The following CSDE1 variants were observed in gnomAD, a reference collection of about 807,000 sequenced individuals.
CSDE1 encodes the protein cold shock domain-containing protein E1.
CSDE1 carries 17 observed loss-of-function variants against 89.3 expected under a neutral mutation model. The observed-to-expected ratio is 0.19, with a 90% CI of 0.13 to 0.29. CSDE1 has a LOEUF of 0.29. Among genes scored for constraint, CSDE1 ranks in the 10% least tolerant of loss-of-function variants. The pLI is 1.00. For synonymous variants in CSDE1, 322 were observed against 332.8 expected (o/e 0.97, Z 0.35); for missense variants, 672 against 984.2 (o/e 0.68, Z 4.24).
chr1:114,737,420 T>C (rs372331957), intron 5 of CSDE1, 51 bp downstream of exon 5: 19 of 1,362,378 alleles, frequency 1.4e-5, no homozygotes, highest in South Asian at 7.2e-5. Flanking sequence ...AGTACGCTTA[T>C]AGATCACATG....
chr1:114,717,895 C>G lies in CSDE1; in HGVS notation c.*274G>C. 1 of 421,112 alleles carries G rather than the reference C, an allele frequency of 2.4e-6. No individual in the cohort carries two copies. The highest frequency in any genetic ancestry group is 3.9e-5 in the East Asian group (1 of 25,874). 26.1% of individuals were successfully genotyped at this position (421,112 alleles called of 1,614,324 possible). On this transcript the variant is annotated 3_prime_UTR_variant, in exon 20 of 20. Coordinates refer to ENST00000358528, the MANE Select transcript of CSDE1 (RefSeq NM_001007553.3). ...AAGTGGATTCTGCAATTACCAGTTG[C>G]GTTAAATGCACCAAATAAAGCTCCT...
At chr1:114,727,265 G>GCCTA (rs2101025752) in intron 12 of CSDE1, among the ~76,000 whole-genome samples, 175 bp from the exon 13 acceptor site, 1 of 152,300 alleles carries the variant, frequency 6.6e-6, no homozygotes, top group East Asian at 1.9e-4. Context: ...CTTGCCTTAA[G>GCCTA]CCTAGCTCAG....
At chr1:114,726,833 C>T in intron 13 of CSDE1, 150 bp downstream of exon 13, 2 of 567,706 alleles carry the variant, frequency 3.5e-6, no homozygotes, top group Non-Finnish European at 6.2e-6. Context: ...TTTTAATAAG[C>T]TGCTTTCAAA....
chr1:114,736,915 G>GAAT, intron 5 of CSDE1, 60 bp from the exon 6 acceptor site: 1 of 1,290,094 alleles, frequency 7.8e-7, no homozygotes, highest in Non-Finnish European at 1.1e-6. Flanking sequence ...TGTATACTGT[G>GAAT]ATTTACTTAC....
In CSDE1 at chr1:114,752,385, C is replaced by A. The variant is rs953555997; in HGVS notation, c.-387-2178G>T. On this transcript the variant is annotated intron_variant, in intron 1 of 19. Transcript: ENST00000358528. ...CAGCAACCTTAAACAAACAAACAAA[C>A]AAAAACCAACAAAATCAAAGCCTGA... Among the ~76,000 whole-genome samples the A allele has an allele frequency of 4.6e-5, 7 of 152,076 alleles. No individual in the cohort carries two copies. The East Asian group carries it at 1.2e-3, about 25-fold the overall frequency.
In CSDE1 at chr1:114,717,269, C is replaced by T. The variant is rs1050870324; in HGVS notation, c.*900G>A. 6.6e-6 allele frequency: 1 copy of T among 151,522 alleles called. No homozygotes were observed. The highest frequency in any genetic ancestry group is 1.5e-5 in the Non-Finnish European group (1 of 67,844). 9.4% of individuals were successfully genotyped at this position (151,522 alleles called of 1,614,324 possible). A position where few individuals can be genotyped will look rare whatever the true frequency, so the allele number is the denominator to read the frequency against. Reference sequence around the variant, plus strand: ...ACAGGACACAGTAACCAGGCGGCTACTTATAAAAAAAAACAAGATTCATTT... The same window carrying T: ...ACAGGACACAGTAACCAGGCGGCTATTTATAAAAAAAAACAAGATTCATTT... On this transcript the variant is annotated 3_prime_UTR_variant, in exon 20 of 20. Coordinates refer to ENST00000358528, the MANE Select transcript of CSDE1 (RefSeq NM_001007553.3).
At chr1:114,730,762 A>C in intron 10 of CSDE1, 114 bp from the exon 11 acceptor site, 2 of 1,210,790 alleles carry the variant, frequency 1.7e-6, no homozygotes, top group Non-Finnish European at 2.4e-6. Flanking sequence ...TGTGACACAA[A>C]TACTGTATCC....
At chr1:114,750,684 ATTAT>A (rs1422132450) in intron 1 of CSDE1, among the ~76,000 whole-genome samples, 1 of 152,208 alleles carries the variant, frequency 6.6e-6, no homozygotes, top group Non-Finnish European at 1.5e-5. Flanking sequence ...ATCTAGAAAT[ATTAT>A]TTATTGTTTA....
At chr1:114,718,257 T>C (rs1399516404) in intron 19 of CSDE1, 41 bp from the exon 20 acceptor site, 3 of 1,591,192 alleles carry the variant, frequency 1.9e-6, no homozygotes, top group South Asian at 2.2e-5. Flanking sequence ...GTTAATGATT[T>C]GAGCGCACAA....
intron 14 of CSDE1, among the ~76,000 whole-genome samples, 170 bp downstream of exon 14, chr1:114,726,041 C>A (rs2101022714): frequency 6.6e-6 from 1 of 152,288 alleles, no homozygotes; most frequent in South Asian, 2.1e-4. Flanking sequence ...GCCACAGGCT[C>A]TGTATATAGT....
At chr1:114,741,724 G>A in intron 2 of CSDE1, 1 of 1,346,532 alleles carries the variant, frequency 7.4e-7, no homozygotes, top group Non-Finnish European at 9.8e-7. Context: ...ACAATTTAAT[G>A]CACATTTCAC....
Position 114,740,627 on chromosome 1 carries a change from C to T in CSDE1, c.1-737G>A, listed in dbSNP as rs1038229568. ...CTGATGAAATCTGTAACTATCACTT[C>T]GTTCCCATTCTTTAGTGAAATAGGA... On this transcript the variant is annotated intron_variant, in intron 2 of 19. Coordinates refer to ENST00000358528, the MANE Select transcript of CSDE1 (RefSeq NM_001007553.3). 8.5e-5 allele frequency among the ~76,000 whole-genome samples: 13 copies of T among 152,266 alleles called. No homozygotes were observed. The South Asian group carries it at 1.5e-3, about 17-fold the overall frequency.
intron 6 of CSDE1, 29 bp downstream of exon 6, chr1:114,736,729 G>A: frequency 1.4e-6 from 2 of 1,477,188 alleles, no homozygotes; most frequent in Non-Finnish European, 1.9e-6. Flanking sequence ...AACCGCTTAG[G>A]TGAGAAAATT....
intron 3 of CSDE1, among the ~76,000 whole-genome samples, chr1:114,738,661 C>CT (rs752985259): frequency 0.056 from 4,504 of 80,004 alleles, 991 homozygotes; most frequent in African/African-American, 0.13. Flanking sequence ...CATGTAAAAA[C>CT]TTTTTTTTTT....
chr1:114,718,587 C>T, intron 19 of CSDE1, 26 bp downstream of exon 19: 3 of 1,608,228 alleles, frequency 1.9e-6, no homozygotes, highest in Non-Finnish European at 2.5e-6. Context: ...CAGTTGGCCT[C>T]CCCCAAGCCT....
chr1:114,755,695 G>A (rs1279366220), intron 1 of CSDE1, among the ~76,000 whole-genome samples: 8 of 152,156 alleles, frequency 5.3e-5, no homozygotes, highest in African/African-American at 1.7e-4. Flanking sequence ...AGATCTCAAA[G>A]TGCTTCCTCT....
Position 114,730,607 on chromosome 1 carries a change from C to A in CSDE1, c.1092G>T (p.Lys364Asn). ...AAMRDGFGFIKCVDRDVRMFF... is the reference protein window; with the variant it reads ...AAMRDGFGFINCVDRDVRMFF... ...ACATACGAACATCACGATCCACACA[C>A]TTGATGAAACCAAAACCATCTCTCA... The change falls in exon 11 of 20, where the codon AAG becomes AAT. Residue 364 changes from lysine (K) to asparagine (N), a missense_variant. Physicochemically the swap from Lys to Asn is moderately conservative, Grantham distance 94 (BLOSUM62 0). Coordinates refer to ENST00000358528, the MANE Select transcript of CSDE1 (RefSeq NM_001007553.3). 1.2e-6 allele frequency: 2 copies of A among 1,614,048 alleles called. No individual in the cohort carries two copies. Among genetic ancestry groups the A allele is most frequent in the Non-Finnish European group, 1.7e-6 (2 of 1,180,024 alleles).
Position 114,730,371 on chromosome 1 carries a change from T to C in CSDE1, c.1243A>G (p.Lys415Glu), listed in dbSNP as rs1445931126. Residue 415 changes from lysine (K) to glutamate (E), a missense_variant, in exon 12 of 20, where the codon AAG (lysine) becomes GAG (glutamate). Lys to Glu is a moderately conservative substitution (Grantham distance 56). Around this residue, in one of 8 missense-constraint regions of CSDE1, gnomAD observed 169 missense variants for 262.9 expected, o/e 0.64. Transcript: ENST00000358528. ...TGGGAATGAAATGAAACCGTGCCCT[T>C]GGGAAGTTTTTTAATCCTAATAGCA... is the stretch of plus-strand genomic sequence containing the variant. ...NHAIRIKKLP[K>E]GTVSFHSHSD... The C allele has an allele frequency of 6.2e-7, 1 of 1,614,152 alleles. No homozygotes were observed. Among genetic ancestry groups the C allele is most frequent in the Admixed American group, 1.7e-5 (1 of 60,014 alleles).
chr1:114,719,157 A>C (rs981605889), intron 18 of CSDE1, among the ~76,000 whole-genome samples: 1 of 152,136 alleles, frequency 6.6e-6, no homozygotes, highest in Non-Finnish European at 1.5e-5. Flanking sequence ...ACAAAAAATA[A>C]AATTGGCTGC....
Sources: allele counts gnomAD v4.1 joint callset (sites outside exome capture counted in the v4.1 genomes callset), GRCh38; gene constraint gnomAD v4.1.1; regional missense constraint gnomAD v4.1.1; transcripts MANE v1.5; gene names NCBI Gene and HGNC (gene_info 2026-07-23, HGNC 2026-07-21).